Variants in OAT observed in about 807,000 individuals in gnomAD.
OAT encodes ornithine aminotransferase.
OAT carries 35 observed loss-of-function variants against 48.4 expected under a neutral mutation model. The ratio of observed to expected loss-of-function variants is 0.72; its 90% CI spans 0.55 to 0.96. The LOEUF is 0.96. Ranked by LOEUF, OAT falls within the 40% of genes least tolerant of loss-of-function variation. The pLI is 0.00. For synonymous variants in OAT, 182 were observed against 198.4 expected, an observed-to-expected ratio of 0.92 and a Z score of 0.70; for missense variants, 438 against 537.9, an observed-to-expected ratio of 0.81 and a Z score of 1.84.
intron 1 of OAT, among the ~76,000 whole-genome samples, chr10:124,415,906 G>C (rs547036696): frequency 2.0e-5 from 3 of 152,246 alleles, no homozygotes; most frequent in Admixed American, 2.0e-4. Flanking sequence ...AGAATCAACA[G>C]TGCCATGATT....
intron 5 of OAT, among the ~76,000 whole-genome samples, chr10:124,404,273 T>TA (rs1032571584): frequency 8.3e-6 from 1 of 120,216 alleles, no homozygotes; most frequent in African/African-American, 3.4e-5. Flanking sequence ...TTATTTTCAT[T>TA]TTTTTTTTTT....
intron 4 of OAT, chr10:124,407,229 C>A: frequency 2.0e-6 from 2 of 985,444 alleles, no homozygotes; most frequent in South Asian, 9.4e-5. Context: ...AGACCATAAG[C>A]CTATTTGCTC....
At chr10:124,403,646 A>C (rs1951482969) in intron 6 of OAT, 152 bp downstream of exon 6, 1 of 1,096,932 alleles carries the variant, frequency 9.1e-7, no homozygotes, top group Non-Finnish European at 1.3e-6. Flanking sequence ...TTAAGCTCTT[A>C]GAATGCCATC....
chr10:124,400,670 T>C (rs551936708), intron 9 of OAT, among the ~76,000 whole-genome samples, 170 bp downstream of exon 9: 1 of 152,188 alleles, frequency 6.6e-6, no homozygotes, highest in African/African-American at 2.4e-5. Flanking sequence ...GAGAATTGCT[T>C]GAACCCAGGA....
intron 1 of OAT, among the ~76,000 whole-genome samples, chr10:124,413,253 C>T (rs1230244434): frequency 6.9e-6 from 1 of 145,242 alleles, no homozygotes; most frequent in Non-Finnish European, 1.5e-5. Flanking sequence ...CATATACATA[C>T]ATACATAAAT....
At chr10:124,408,284 AGTGTGT>A (rs71026082) in intron 4 of OAT, among the ~76,000 whole-genome samples, 6,541 of 79,174 alleles carry the variant, frequency 0.083, 377 homozygotes, top group East Asian at 0.18. Context: ...AAAATATATA[AGTGTGT>A]GTGTGTGTGT....
At position 124,401,709 on chromosome 10, in the gene OAT, G is replaced by A. The variant is rs759429643; in HGVS notation, c.1014+17C>T. The A allele has an allele frequency of 3.3e-6, 5 of 1,509,066 alleles. No individual in the cohort carries two copies. The Admixed American group carries it at 6.7e-5, about 20-fold the overall frequency. The allele number at this position is 1,509,066 out of a possible 1,614,324, so 93.5% of individuals were successfully genotyped here. A position where few individuals can be genotyped will look rare whatever the true frequency, so the allele number is the denominator to read the frequency against. On this transcript the variant is annotated intron_variant, in intron 8 of 9. Coordinates refer to ENST00000368845, the MANE Select transcript of OAT (RefSeq NM_000274.4). ...TGCTTTAAAGAATAGACACTGTGTG[G>A]CTGTATCAGTCTTTACCTCAAGGGC...
At chr10:124,401,106 T>G in intron 8 of OAT, 122 bp from the exon 9 acceptor site, 1 of 663,014 alleles carries the variant, frequency 1.5e-6, no homozygotes. Context: ...AACTTAACTT[T>G]CATTGCTATT....
rs1427092729 is a variant in OAT at position 124,399,335 on chromosome 10, A to ATT, written c.1160-1235_1160-1234dup. On this transcript the variant is annotated intron_variant, in intron 9 of 9. Coordinates refer to ENST00000368845, the MANE Select transcript of OAT (RefSeq NM_000274.4). Reference sequence around the variant, plus strand: ...ATTTTTTTAAGAAGCTCCCCAGGTGATTCTTTTTTTTTTTTTTTTTTTTTT... The same window carrying ATT: ...ATTTTTTTAAGAAGCTCCCCAGGTGATTTTCTTTTTTTTTTTTTTTTTTTTTT... 8.2e-4 allele frequency among the ~76,000 whole-genome samples: 82 copies of ATT among 100,348 alleles called. 1 individual carries two copies. Among genetic ancestry groups the ATT allele is most frequent in the East Asian group, 1.7e-3 (5 of 2,870 alleles). 65.8% of individuals were successfully genotyped at this position (100,348 alleles called of 152,430 possible).
chr10:124,398,133 A>C (rs967943671), intron 9 of OAT, 31 bp from the exon 10 acceptor site: 22 of 1,612,682 alleles, frequency 1.4e-5, no homozygotes, highest in Non-Finnish European at 1.6e-5. Context: ...GTACATGCTC[A>C]AAGATAAACG....
chr10:124,418,503 G>A (rs1292486892), intron 1 of OAT, among the ~76,000 whole-genome samples: 1 of 152,204 alleles, frequency 6.6e-6, no homozygotes, highest in African/African-American at 2.4e-5. Context: ...CGAGCGCAGG[G>A]GGCGGCGGCT....
At position 124,408,761 on chromosome 10, in the gene OAT, T is replaced by C. The variant is rs1951673742; in HGVS notation, c.404A>G (p.Lys135Arg). 2 of 1,608,944 alleles carry C rather than the reference T, an allele frequency of 1.2e-6. No homozygotes were observed. The highest frequency in any genetic ancestry group is 1.3e-5 in the African/African-American group (1 of 74,782). ...EYITKLFNYH[K>R]VLPMNTGVEA... ...TTTACCTGTATTCATAGGAAGAACT[T>C]TGTGGTAGTTGAAAAGTTTAGTAAT... Residue 135 changes from lysine to arginine, a missense_variant, in exon 3 of 10, where the codon AAA becomes AGA. Coordinates refer to ENST00000368845, the MANE Select transcript of OAT (RefSeq NM_000274.4).
intron 1 of OAT, among the ~76,000 whole-genome samples, chr10:124,417,043 A>G (rs746184159): frequency 6.6e-6 from 1 of 152,160 alleles, no homozygotes; most frequent in Non-Finnish European, 1.5e-5. Flanking sequence ...ATTCATCACT[A>G]TTTGTAAATG....
intron 9 of OAT, 149 bp from the exon 10 acceptor site, chr10:124,398,251 C>T (rs892554821): frequency 1.2e-6 from 1 of 852,064 alleles, no homozygotes; most frequent in Non-Finnish European, 1.9e-6. Flanking sequence ...TGGCTTATGC[C>T]TGTAATCCCA....
intron 6 of OAT, chr10:124,403,408 GT>G: frequency 2.4e-6 from 1 of 421,458 alleles, no homozygotes; most frequent in East Asian, 5.3e-5. Flanking sequence ...CATTTAATAT[GT>G]GACAGAAACT....
chr10:124,401,102 A>G (rs1951396442), intron 8 of OAT, 118 bp from the exon 9 acceptor site: 1 of 670,014 alleles, frequency 1.5e-6, no homozygotes, highest in Non-Finnish European at 2.6e-6. Flanking sequence ...GAGGAACTTA[A>G]CTTTCATTGC....
chr10:124,406,863 C>G (rs1455599385), intron 4 of OAT: 1 of 637,682 alleles, frequency 1.6e-6, no homozygotes, highest in Non-Finnish European at 1.9e-6. Context: ...AGATCCCTAT[C>G]CTCAGGGAGC....
intron 4 of OAT, chr10:124,406,862 T>A (rs1042510069): frequency 1.8e-5 from 9 of 503,176 alleles, no homozygotes; most frequent in Non-Finnish European, 2.3e-5. Context: ...AAGATCCCTA[T>A]CCTCAGGGAG....
intron 9 of OAT, 51 bp downstream of exon 9, chr10:124,400,789 T>C: frequency 7.4e-7 from 1 of 1,360,038 alleles, no homozygotes; most frequent in Non-Finnish European, 1.0e-6. Flanking sequence ...ACCAAGTGTA[T>C]TTTAGGTCTT....
Sources: allele counts gnomAD v4.1 joint callset (sites outside exome capture counted in the v4.1 genomes callset), GRCh38; gene constraint gnomAD v4.1.1; transcripts MANE v1.5; gene names NCBI Gene and HGNC (gene_info 2026-07-23, HGNC 2026-07-21).